KIAA1328: variants seen among roughly 807,000 people sequenced by gnomAD.
KIAA1328 encodes the protein KIAA1328.
A neutral mutation model predicts 68.1 loss-of-function variants in KIAA1328; 52 were observed. That is an observed-to-expected ratio of 0.76 (90% CI 0.61 to 0.96). The LOEUF (loss-of-function observed/expected upper bound fraction) is 0.96. Among genes scored for constraint, KIAA1328 ranks in the 40% least tolerant of loss-of-function variants. The pLI, the probability that KIAA1328 is intolerant of heterozygous loss-of-function variation, is 0.00. For missense variants in KIAA1328, 641 were observed against 677.6 expected (o/e 0.95, Z 0.60); for synonymous variants, 232 against 239.4 (o/e 0.97, Z 0.28).
chr18:37,127,805 G>A (rs2058429223), intron 7 of KIAA1328, among the ~76,000 whole-genome samples: 1 of 152,086 alleles, frequency 6.6e-6, no homozygotes, highest in Non-Finnish European at 1.5e-5. Context: ...CACACTACAT[G>A]ATTTCAAGAC....
chr18:37,194,287 A>G (rs1054592343), intron 9 of KIAA1328, among the ~76,000 whole-genome samples: 15 of 152,198 alleles, frequency 9.9e-5, no homozygotes, highest in Non-Finnish European at 1.9e-4. Flanking sequence ...AAAGTTTGGT[A>G]CTTTGCCAGT....
intron 6 of KIAA1328, among the ~76,000 whole-genome samples, chr18:37,007,811 A>G (rs970422788): frequency 6.6e-6 from 1 of 152,230 alleles, no homozygotes. Context: ...GCTGATTAAA[A>G]CTAAAAAGTC....
chr18:37,043,273 C>CT (rs146642400), intron 6 of KIAA1328, among the ~76,000 whole-genome samples: 2 of 152,060 alleles, frequency 1.3e-5, no homozygotes, highest in Admixed American at 1.3e-4. Flanking sequence ...TATTGATTGG[C>CT]TTTTTTTCCC....
intron 6 of KIAA1328, among the ~76,000 whole-genome samples, chr18:37,019,624 C>T (rs2054271809): frequency 6.6e-6 from 1 of 152,224 alleles, no homozygotes; most frequent in Non-Finnish European, 1.5e-5. Flanking sequence ...TGGGGATGGG[C>T]AGCAACTTAC....
chr18:37,159,595 C>T (rs147547822), intron 7 of KIAA1328, among the ~76,000 whole-genome samples: 19 of 152,178 alleles, frequency 1.2e-4, no homozygotes, highest in Admixed American at 7.9e-4. Flanking sequence ...GGTGGGAACA[C>T]GGTTTATTAG....
chr18:36,841,517 C>T (rs1288227490), intron 3 of KIAA1328, among the ~76,000 whole-genome samples: 1 of 151,954 alleles, frequency 6.6e-6, no homozygotes, highest in African/African-American at 2.4e-5. Flanking sequence ...GGCCTTTCCT[C>T]ATCATGTTTT....
intron 8 of KIAA1328, among the ~76,000 whole-genome samples, chr18:37,166,656 T>C (rs2059395409): frequency 1.3e-5 from 2 of 152,202 alleles, no homozygotes; most frequent in Non-Finnish European, 2.9e-5. Context: ...ATTGTTTCTC[T>C]GTTTTAACCT....
intron 7 of KIAA1328, among the ~76,000 whole-genome samples, chr18:37,142,675 C>G (rs1300676055): frequency 6.6e-6 from 1 of 152,144 alleles, no homozygotes; most frequent in Non-Finnish European, 1.5e-5. Context: ...TTTCATTGAT[C>G]TGTATGTCCA....
intron 8 of KIAA1328, among the ~76,000 whole-genome samples, chr18:37,169,239 C>CACTGCAACCTCTGCCTCCTGGGTTCA (rs1182378223): frequency 1.3e-5 from 2 of 151,150 alleles, no homozygotes; most frequent in Admixed American, 6.6e-5. Flanking sequence ...GATCTCGGCT[C>CACTGCAACCTCTGCCTCCTGGGTTCA]ACTGCAACCT....
At chr18:37,134,026 T>G (rs1463201066) in intron 7 of KIAA1328, among the ~76,000 whole-genome samples, 1 of 151,956 alleles carries the variant, frequency 6.6e-6, no homozygotes. Flanking sequence ...ATTCTTTTTT[T>G]TTTTTGAGAT....
At chr18:37,106,913 A>C (rs975886335) in intron 7 of KIAA1328, among the ~76,000 whole-genome samples, 4 of 152,142 alleles carry the variant, frequency 2.6e-5, no homozygotes, top group Non-Finnish European at 5.9e-5. Context: ...TTTTCCTGCC[A>C]CTTACCCCTT....
chr18:36,959,178 A>C, intron 5 of KIAA1328, 130 bp from the exon 6 acceptor site: 1 of 779,528 alleles, frequency 1.3e-6, no homozygotes, highest in East Asian at 3.1e-5. Context: ...TGAAGACTTT[A>C]TACTTATGAC....
chr18:36,871,566 G>A (rs1363502144), intron 4 of KIAA1328, among the ~76,000 whole-genome samples: 4 of 151,882 alleles, frequency 2.6e-5, no homozygotes, highest in African/African-American at 9.7e-5. Context: ...AAGAAATGTT[G>A]GGAACATAAG....
chr18:37,207,244 C>A (rs1225951864), intron 9 of KIAA1328, among the ~76,000 whole-genome samples: 1 of 152,062 alleles, frequency 6.6e-6, no homozygotes, highest in Admixed American at 6.5e-5. Flanking sequence ...TAAAACTAGC[C>A]TTTTTTCCAA....
intron 3 of KIAA1328, among the ~76,000 whole-genome samples, chr18:36,843,440 C>T (rs977270714): frequency 1.2e-4 from 19 of 152,132 alleles, no homozygotes; most frequent in Admixed American, 6.6e-5. Context: ...ATGTTACCTA[C>T]GATTCCTTCG....
intron 5 of KIAA1328, among the ~76,000 whole-genome samples, chr18:36,956,781 C>T (rs2051438674): frequency 6.6e-6 from 1 of 152,110 alleles, no homozygotes; most frequent in Non-Finnish European, 1.5e-5. Context: ...AAATTACTGC[C>T]TGTGGTAACA....
At chr18:36,863,469 A>C (rs986131383) in intron 4 of KIAA1328, among the ~76,000 whole-genome samples, 4 of 152,154 alleles carry the variant, frequency 2.6e-5, no homozygotes, top group Admixed American at 2.0e-4. Context: ...TTCCTACTCT[A>C]TTCTTTTTCA....
chr18:36,940,732 G>A (rs1375605683), intron 5 of KIAA1328, among the ~76,000 whole-genome samples: 1 of 147,440 alleles, frequency 6.8e-6, no homozygotes, highest in African/African-American at 2.5e-5. Context: ...CTGGAGTGCA[G>A]TGGTGCGAAC....
At chr18:36,896,262 T>C (rs544071164) in intron 5 of KIAA1328, among the ~76,000 whole-genome samples, 2 of 152,200 alleles carry the variant, frequency 1.3e-5, no homozygotes, top group Non-Finnish European at 2.9e-5. Flanking sequence ...TTTGTATTAT[T>C]TTTTGATGAG....
Sources: allele counts gnomAD v4.1 joint callset (sites outside exome capture counted in the v4.1 genomes callset), GRCh38; gene constraint gnomAD v4.1.1; transcripts MANE v1.5; gene names NCBI Gene and HGNC (gene_info 2026-07-23, HGNC 2026-07-21).